Variants in KDM5A observed in about 807,000 individuals in gnomAD.
KDM5A encodes lysine demethylase 5A.
A neutral mutation model predicts 193.5 loss-of-function variants in KDM5A; 42 were observed. The observed-to-expected ratio is 0.22, with a 90% confidence interval of 0.17 to 0.28. The LOEUF (loss-of-function observed/expected upper bound fraction) is 0.28, where lower values mean the gene tolerates loss of function less well. KDM5A is among the 10% of genes least tolerant of loss of function. KDM5A has a pLI of 1.00. For synonymous variants in KDM5A, 796 were observed against 718.1 expected (o/e 1.11, Z -1.73); for missense variants, 1,692 against 2,055.1 (o/e 0.82, Z 3.42).
intron 10 of KDM5A, among the ~76,000 whole-genome samples, chr12:349,361 C>T (rs1160413785): frequency 3.8e-5 from 5 of 131,348 alleles, no homozygotes; most frequent in African/African-American, 1.5e-4. Context: ...GACGGAGTCT[C>T]GCTCTGTCAC....
rs1193576947 is a variant in KDM5A, at chr12:280,680, A to G, written c.*4776T>C. 4.3e-6 allele frequency: 1 copy of G among 233,040 alleles called. No homozygotes were observed. The highest frequency in any genetic ancestry group is 8.5e-6 in the Non-Finnish European group (1 of 117,972). The allele number at this position is 233,040 out of a possible 1,614,324, so 14.4% of individuals were successfully genotyped here. ...TTGGTTGTGAGCTTTAAGAAGCCAA[A>G]GAGAAAGGGAAAGCATTTCCTTGTT... On this transcript the variant is annotated 3_prime_UTR_variant, in exon 28 of 28. Coordinates refer to ENST00000399788, the MANE Select transcript of KDM5A (RefSeq NM_001042603.3).
chr12:323,320 A>G (rs1943744781), intron 15 of KDM5A, 114 bp from the exon 16 acceptor site: 5 of 1,259,434 alleles, frequency 4.0e-6, no homozygotes, highest in East Asian at 2.5e-5. Context: ...GGAAAATACA[A>G]TGGCCAAGGG....
chr12:310,929 C>G lies in KDM5A; in HGVS notation c.3172G>C (p.Gly1058Arg), dbSNP rs1176283890. ...AAARAWRERT[G>R]RTFLKKNSSH... ...GAATTCTTCTTAAGAAACGTCCGCC[C>G]AGTCCGTTCTCTCCATGCCCGTGCT... Residue 1058 changes from glycine (G) to arginine (R), a missense_variant, in exon 21 of 28, where the codon GGG (glycine) becomes CGG (arginine). By Grantham distance (125) the Gly-to-Arg change is moderately radical. This residue lies in a region of KDM5A where 965 missense variants were observed against 1,061.0 expected (regional missense o/e 0.91). Transcript: ENST00000399788. 5 of 1,614,100 alleles carry G rather than the reference C, an allele frequency of 3.1e-6. No individual in the cohort carries two copies. Among genetic ancestry groups the G allele is most frequent in the Non-Finnish European group, 4.2e-6 (5 of 1,180,036 alleles).
At chr12:312,683 A>G (rs1943603375) in intron 20 of KDM5A, among the ~76,000 whole-genome samples, 1 of 152,212 alleles carries the variant, frequency 6.6e-6, no homozygotes, top group Non-Finnish European at 1.5e-5. Context: ...AAAATATTGT[A>G]ATTTGAAAAT....
chr12:380,485 G>A (rs1186947847), intron 3 of KDM5A, among the ~76,000 whole-genome samples: 1 of 152,188 alleles, frequency 6.6e-6, no homozygotes, highest in Non-Finnish European at 1.5e-5. Context: ...GGAGGCCAAG[G>A]TGGGCAGATC....
At chr12:291,247 T>C (rs1449900849) in intron 27 of KDM5A, among the ~76,000 whole-genome samples, 2 of 152,208 alleles carry the variant, frequency 1.3e-5, no homozygotes, top group Admixed American at 1.3e-4. Context: ...TATAGCTGTC[T>C]GCCTTGGAAG....
chr12:370,816 C>T (rs1347014312), intron 3 of KDM5A, among the ~76,000 whole-genome samples: 1 of 152,176 alleles, frequency 6.6e-6, no homozygotes, highest in South Asian at 2.1e-4. Context: ...CTTCCTGTGT[C>T]CAAGTGTTCT....
chr12:299,146 T>C (rs1007283907), intron 24 of KDM5A, among the ~76,000 whole-genome samples: 1 of 152,138 alleles, frequency 6.6e-6, no homozygotes, highest in African/African-American at 2.4e-5. Context: ...CCAGGAGAAC[T>C]TCCCCAACCT....
rs532280512 is a variant in KDM5A, at chr12:346,970, CAAA to C, written c.1308+3648_1308+3650del. Among the ~76,000 whole-genome samples the C allele has an allele frequency of 3.1e-3, 465 of 152,288 alleles. 2 individuals are homozygous for C. The highest frequency in any genetic ancestry group is 4.9e-3 in the Non-Finnish European group (332 of 68,018). The stretch of plus-strand genomic sequence containing the variant: ...GTATTCAATTAGGAAAAGAGGAAGT[CAAA>C]TTGTCCCTGTTTGCAGATGACATGA... On this transcript the variant is annotated intron_variant, in intron 10 of 27. Coordinates refer to ENST00000399788, the MANE Select transcript of KDM5A (RefSeq NM_001042603.3).
At chr12:343,766 C>G (rs1355799909) in intron 10 of KDM5A, among the ~76,000 whole-genome samples, 1 of 152,152 alleles carries the variant, frequency 6.6e-6, no homozygotes, top group African/African-American at 2.4e-5. Context: ...TGTAGATCAC[C>G]AACATCAAAG....
chr12:292,861 C>T lies in KDM5A; in HGVS notation c.4764G>A (p.Val1588=), dbSNP rs748500071. The change falls in exon 27 of 28, where the codon GTG becomes GTA. Residue 1588 remains valine, a synonymous_variant. Coordinates refer to ENST00000399788, the MANE Select transcript of KDM5A (RefSeq NM_001042603.3). ...AGTCATACTTTGAGGGGATGTCCAG[C>T]ACCTTTTTCTCTCTTTTCTTTTCAG... ...ESTEKKREKK[V]LDIPSKYDWS... is the part of the protein sequence containing the mutation. 3 of 1,614,118 alleles carry T rather than the reference C, an allele frequency of 1.9e-6. No homozygotes were observed. The highest frequency in any genetic ancestry group is 2.5e-6 in the Non-Finnish European group (3 of 1,180,046).
chr12:379,124 T>C (rs918378064), intron 3 of KDM5A, among the ~76,000 whole-genome samples: 3 of 152,176 alleles, frequency 2.0e-5, no homozygotes, highest in East Asian at 3.9e-4. Context: ...GACTGAAAAT[T>C]TGCTTCCCAT....
intron 3 of KDM5A, among the ~76,000 whole-genome samples, chr12:369,167 CTG>C (rs946855987): frequency 1.3e-5 from 2 of 152,086 alleles, no homozygotes; most frequent in African/African-American, 4.8e-5. Context: ...GAAGCCCTCT[CTG>C]TTCAAACAAT....
chr12:285,923 G>A (rs987535183), intron 27 of KDM5A, among the ~76,000 whole-genome samples: 1 of 152,160 alleles, frequency 6.6e-6, no homozygotes, highest in South Asian at 2.1e-4. Flanking sequence ...TCCTTGTGAG[G>A]CAGAAACATG....
chr12:385,007 C>G (rs1409177034), intron 2 of KDM5A, among the ~76,000 whole-genome samples: 2 of 151,888 alleles, frequency 1.3e-5, no homozygotes, highest in African/African-American at 4.8e-5. Context: ...CTGGCCAACA[C>G]GGCAAAACTC....
chr12:308,581 A>T (rs1943543240), intron 22 of KDM5A, among the ~76,000 whole-genome samples: 1 of 152,246 alleles, frequency 6.6e-6, no homozygotes, highest in South Asian at 2.1e-4. Flanking sequence ...GTAACAACAG[A>T]GTTTTATGAA....
intron 18 of KDM5A, among the ~76,000 whole-genome samples, 198 bp downstream of exon 18, chr12:320,797 A>C (rs936432726): frequency 6.6e-6 from 1 of 152,234 alleles, no homozygotes; most frequent in African/African-American, 2.4e-5. Context: ...AGCCTTAGTT[A>C]CAGAATTTTA....
intron 24 of KDM5A, among the ~76,000 whole-genome samples, chr12:298,921 C>T (rs1264360439): frequency 1.3e-5 from 2 of 150,986 alleles, no homozygotes; most frequent in Admixed American, 6.6e-5. Flanking sequence ...TATCAATAGC[C>T]GAATCAATCA....
At chr12:286,283 T>C (rs967764482) in intron 27 of KDM5A, 17 of 446,228 alleles carry the variant, frequency 3.8e-5, no homozygotes, top group Admixed American at 2.7e-4. Context: ...CACAGGTCAA[T>C]AGATCACTCT....
Sources: gnomAD v4.1 joint callset for allele counts (sites outside exome capture counted in the v4.1 genomes callset) on GRCh38, gnomAD v4.1.1 for gene constraint, gnomAD v4.1.1 regional missense constraint, MANE v1.5 for transcripts, NCBI Gene and HGNC (gene_info 2026-07-23, HGNC 2026-07-21) for gene names.